Variants in SECISBP2 observed in about 807,000 individuals in gnomAD.
The protein encoded by SECISBP2 is selenocysteine insertion sequence-binding protein 2.
Under a neutral mutation model 98.2 loss-of-function variants are expected in SECISBP2, and 96 were observed. That is an observed-to-expected ratio of 0.98 (90% CI 0.83 to 1.16). The LOEUF (loss-of-function observed/expected upper bound fraction) is 1.16. SECISBP2 is among the 50% of genes most tolerant of loss of function. SECISBP2 has a pLI of 0.00. For synonymous variants in SECISBP2, 407 were observed against 370.2 expected, an observed-to-expected ratio of 1.10 and a Z score of -1.14; for missense variants, 1,046 against 1,022.9, an observed-to-expected ratio of 1.02 and a Z score of -0.31.
rs199834614 is a variant in SECISBP2, at chr9:89,331,265, A to T, written c.802-1643A>T. The stretch of plus-strand genomic sequence containing the variant: ...TGTCATTAAGTATTTTTTGAAAGCA[A>T]CTTGCATTGGATCTCTCATACTGAT... On this transcript the variant is annotated intron_variant, in intron 5 of 16. Transcript: ENST00000375807. 2.0e-5 allele frequency among the ~76,000 whole-genome samples: 3 copies of T among 152,216 alleles called. No individual in the cohort carries two copies. The East Asian group carries it at 5.8e-4, about 29-fold the overall frequency.
At chr9:89,319,019 C>T (rs1482118786) in intron 1 of SECISBP2, 32 of 1,034,148 alleles carry the variant, frequency 3.1e-5, no homozygotes, top group South Asian at 2.1e-4. Context: ...TAGATGGAGC[C>T]CTGGCGATCG....
rs554928865 is a variant in SECISBP2 at position 89,334,546 on chromosome 9, A to T, written c.905A>T (p.Tyr302Phe). The change falls in exon 7 of 17, where the codon TAT becomes TTT. Residue 302 changes from tyrosine (Y) to phenylalanine (F), a missense_variant. Transcript: ENST00000375807. Reference sequence around the variant, plus strand: ...GAGTTATCTTGGACACCAATGGGTTATGTTGTTCGACAGACATTATCTACA... The same window carrying T: ...GAGTTATCTTGGACACCAATGGGTTTTGTTGTTCGACAGACATTATCTACA... ...TRELSWTPMGYVVRQTLSTEL... is the reference protein window; with the variant it reads ...TRELSWTPMGFVVRQTLSTEL... 6.2e-7 allele frequency: 1 copy of T among 1,614,158 alleles called. No individual in the cohort carries two copies. The highest frequency in any genetic ancestry group is 1.7e-5 in the Admixed American group (1 of 60,028).
chr9:89,327,372 ATTAACC>A (rs1307040092), intron 4 of SECISBP2, among the ~76,000 whole-genome samples: 1 of 152,112 alleles, frequency 6.6e-6, no homozygotes, highest in South Asian at 2.1e-4. Flanking sequence ...TTTTTCAATA[ATTAACC>A]TTAGCTTACT....
intron 14 of SECISBP2, chr9:89,354,860 G>GA: frequency 1.0e-6 from 1 of 985,402 alleles, no homozygotes; most frequent in Non-Finnish European, 1.2e-6. Flanking sequence ...TGTTACGGGG[G>GA]ACTTCATATG....
chr9:89,323,071 C>T (rs1372074290), intron 2 of SECISBP2: 2 of 152,020 alleles, frequency 1.3e-5, no homozygotes, highest in African/African-American at 2.4e-5. Flanking sequence ...CATGATTGTC[C>T]GTACAGGTTT....
At chr9:89,348,329 G>C in intron 12 of SECISBP2, 115 bp downstream of exon 12, 1 of 1,234,138 alleles carries the variant, frequency 8.1e-7, no homozygotes, top group Non-Finnish European at 1.2e-6. Flanking sequence ...CTTTTGTGGT[G>C]AAAGTGGGTC....
chr9:89,325,494 G>A lies in SECISBP2; in HGVS notation c.250G>A (p.Glu84Lys). 3.1e-6 allele frequency: 5 copies of A among 1,613,428 alleles called. No individual in the cohort carries two copies. In the South Asian group the frequency reaches 5.5e-5, roughly 18 times the overall value. ...STFPPQYLSS[E>K]ITLHPYAYSP... ...TTTTCCACCTCAGTATTTATCTTCT[G>A]AGATAACTCTTCATCCATATGCCTA... The change falls in exon 3 of 17, where the codon GAG (glutamate) becomes AAG (lysine). Residue 84 changes from glutamate to lysine, a missense_variant. Physicochemically the swap from Glu to Lys is moderately conservative, Grantham distance 56 (BLOSUM62 1). Transcript: ENST00000375807.
chr9:89,354,557 A>G (rs1351845145), intron 14 of SECISBP2, among the ~76,000 whole-genome samples: 1 of 152,182 alleles, frequency 6.6e-6, no homozygotes, highest in East Asian at 1.9e-4. Flanking sequence ...CCTAGCACAC[A>G]CAAAGTTCCA....
chr9:89,320,643 C>A (rs1170633000), intron 2 of SECISBP2, among the ~76,000 whole-genome samples: 1 of 152,192 alleles, frequency 6.6e-6, no homozygotes, highest in Non-Finnish European at 1.5e-5. Context: ...GAATTTTACA[C>A]ATTTCAGGCT....
Position 89,348,095 on chromosome 9 carries a change from G to T in SECISBP2, c.1619G>T (p.Arg540Leu). 1 of 1,613,348 alleles carries T rather than the reference G, an allele frequency of 6.2e-7. No homozygotes were observed. The highest frequency in any genetic ancestry group is 8.5e-7 in the Non-Finnish European group (1 of 1,179,306). ...TSLKKIILKE[R>L]QERKQRLQEN... ...ATTTTTAAGATTATTTTGAAAGAAC[G>T]GCAAGAGAGAAAGCAGCGTCTCCAA... Residue 540 changes from arginine to leucine, a missense_variant, in exon 12 of 17, where the codon CGG becomes CTG. Physicochemically the swap from Arg to Leu is moderately radical, Grantham distance 102. Transcript: ENST00000375807.
At chr9:89,356,324 C>T (rs551614978) in intron 14 of SECISBP2, among the ~76,000 whole-genome samples, 6 of 152,344 alleles carry the variant, frequency 3.9e-5, no homozygotes, top group East Asian at 1.9e-4. Flanking sequence ...TTGTCTTCCA[C>T]GAAACCAGTC....
chr9:89,321,274 T>C (rs763342238), intron 2 of SECISBP2, among the ~76,000 whole-genome samples: 1 of 152,180 alleles, frequency 6.6e-6, no homozygotes, highest in Non-Finnish European at 1.5e-5. Flanking sequence ...TTACTCAAAA[T>C]AGTGGTGGAA....
chr9:89,354,233 C>G (rs532796041), intron 14 of SECISBP2, among the ~76,000 whole-genome samples: 1 of 152,266 alleles, frequency 6.6e-6, no homozygotes, highest in African/African-American at 2.4e-5. Context: ...TTGGGTGTTC[C>G]CAAGGCCACC....
In SECISBP2 at chr9:89,355,607, C is replaced by T. The variant is rs1289661780; in HGVS notation, c.2114-1804C>T. On this transcript the variant is annotated intron_variant, in intron 14 of 16. Coordinates refer to ENST00000375807, the MANE Select transcript of SECISBP2 (RefSeq NM_024077.5). ...TTCTCCACCAAAAAAAAAAATTGGCCATGCAGAGACTTTAGGTGTTTTATA... is the reference window on the plus strand; with the variant it reads ...TTCTCCACCAAAAAAAAAAATTGGCTATGCAGAGACTTTAGGTGTTTTATA... 1.0e-5 allele frequency: 10 copies of T among 969,518 alleles called. No homozygotes were observed. In the South Asian group the frequency reaches 2.9e-4, roughly 28 times the overall value. The allele number at this position is 969,518 out of a possible 1,614,324, so 60.1% of individuals were successfully genotyped here.
In SECISBP2 at chr9:89,320,305, A is replaced by G. The variant is rs111903653; in HGVS notation, c.182+508A>G. On this transcript the variant is annotated intron_variant, in intron 2 of 16. Transcript: ENST00000375807. The stretch of plus-strand genomic sequence containing the variant: ...TGGGAGGCAGAGGTTGCAGTGGGCC[A>G]AGATAGCACCACTACACTCAAGCCT... 6.6e-3 allele frequency among the ~76,000 whole-genome samples: 984 copies of G among 148,890 alleles called. 13 individuals are homozygous for G. The highest frequency in any genetic ancestry group is 0.023 in the African/African-American group (932 of 40,412).
At chr9:89,352,014 C>G (rs2132011636) in intron 14 of SECISBP2, among the ~76,000 whole-genome samples, 1 of 152,304 alleles carries the variant, frequency 6.6e-6, no homozygotes, top group East Asian at 1.9e-4. Flanking sequence ...GATATTTCCT[C>G]CATATCTCCA....
intron 6 of SECISBP2, among the ~76,000 whole-genome samples, 158 bp downstream of exon 6, chr9:89,333,144 T>G (rs567741844): frequency 1.3e-5 from 2 of 152,298 alleles, no homozygotes; most frequent in East Asian, 3.9e-4. Context: ...GAAAGTTAAG[T>G]AGATGAGATC....
chr9:89,325,212 C>T (rs1474278898), intron 2 of SECISBP2: 1 of 566,914 alleles, frequency 1.8e-6, no homozygotes, highest in Non-Finnish European at 3.1e-6. Context: ...TACGGACTTC[C>T]AGCTCATTAG....
chr9:89,346,726 T>A (rs1250481460), intron 10 of SECISBP2, among the ~76,000 whole-genome samples, 156 bp from the exon 11 acceptor site: 2 of 152,210 alleles, frequency 1.3e-5, no homozygotes, highest in African/African-American at 4.8e-5. Flanking sequence ...TGTAAGAGAT[T>A]GTTCTCAAAG....
Sources: allele counts gnomAD v4.1 joint callset (sites outside exome capture counted in the v4.1 genomes callset), GRCh38; gene constraint gnomAD v4.1.1; transcripts MANE v1.5; gene names NCBI Gene and HGNC (gene_info 2026-07-23, HGNC 2026-07-21).